MTMR4: variants seen among roughly 807,000 people sequenced by gnomAD.
MTMR4 encodes the protein myotubularin related protein 4.
MTMR4 carries 30 observed loss-of-function variants against 125.5 expected under a neutral mutation model. The ratio of observed to expected loss-of-function variants is 0.24; its 90% CI spans 0.18 to 0.32. The LOEUF is 0.32. Among genes scored for constraint, MTMR4 ranks in the 10% least tolerant of loss-of-function variants. The pLI is 1.00. For synonymous variants in MTMR4, 498 were observed against 564.5 expected, an observed-to-expected ratio of 0.88 and a Z score of 1.67; for missense variants, 1,039 against 1,511.5, an observed-to-expected ratio of 0.69 and a Z score of 5.18.
Position 58,491,319 on chromosome 17 carries a change from C to T in MTMR4, c.*344G>A, listed in dbSNP as rs3087762. On this transcript the variant is annotated 3_prime_UTR_variant, in exon 18 of 18. Coordinates refer to ENST00000682306, the MANE Select transcript of MTMR4 (RefSeq NM_001378067.1). ...CACTTGGAGTTTGGTTATACATATG[C>T]CTTTCTATTGCTGTTTGGGGCACTT... 0.19 allele frequency: 32,980 copies of T among 173,402 alleles called. 3,357 individuals carry two copies. Among genetic ancestry groups the T allele is most frequent in the Non-Finnish European group, 0.21 (16,973 of 80,820 alleles). 10.7% of individuals were successfully genotyped at this position (173,402 alleles called of 1,614,324 possible).
chr17:58,500,214 C>T (rs908759390), intron 14 of MTMR4, among the ~76,000 whole-genome samples: 1 of 152,196 alleles, frequency 6.6e-6, no homozygotes, highest in East Asian at 1.9e-4. Flanking sequence ...GCAGCCTCAA[C>T]CTGCTGGGAG....
chr17:58,496,004 A>G lies in MTMR4; in HGVS notation c.2180T>C (p.Met727Thr). 1 of 1,614,066 alleles carries G rather than the reference A, an allele frequency of 6.2e-7. No homozygotes were observed. Among genetic ancestry groups the G allele is most frequent in the Middle Eastern group, 1.7e-4 (1 of 6,060 alleles). Residue 727 changes from methionine to threonine, a missense_variant, in exon 15 of 18, where the codon ATG becomes ACG. Physicochemically the swap from Met to Thr is moderately conservative, Grantham distance 81. Coordinates refer to ENST00000682306, the MANE Select transcript of MTMR4 (RefSeq NM_001378067.1). ...CTCAGGATCAGAGGTGTTGCTCTTC[A>G]TTTCCCGAGGCACTGCGGTATTAAG... ...KLLNTAVPREMKSNTSDPEIK... is the reference protein window; with the variant it reads ...KLLNTAVPRETKSNTSDPEIK...
chr17:58,505,622 C>T, intron 9 of MTMR4, 39 bp from the exon 10 acceptor site: 1 of 1,523,294 alleles, frequency 6.6e-7, no homozygotes, highest in Non-Finnish European at 9.0e-7. Flanking sequence ...AAAAGCACGT[C>T]CTAGGCCGGG....
In MTMR4 at chr17:58,508,662, G is replaced by T. The variant is rs1364298017; in HGVS notation, c.496+19C>A. 1 of 1,613,708 alleles carries T rather than the reference G, an allele frequency of 6.2e-7. No homozygotes were observed. Among genetic ancestry groups the T allele is most frequent in the South Asian group, 1.1e-5 (1 of 91,086 alleles). ...AAGGGGTAAGAAGCAGCCTCCCAAAGAAAATAGACTGGCCTCACCTGGCTG... is the reference window on the plus strand; with the variant it reads ...AAGGGGTAAGAAGCAGCCTCCCAAATAAAATAGACTGGCCTCACCTGGCTG... On this transcript the variant is annotated intron_variant, in intron 5 of 17. Transcript: ENST00000682306. This position sits in a 1 kb window ranked among gnomAD's most constrained non-coding sequence, Gnocchi z 4.8.
chr17:58,494,908 G>A (rs751929669), intron 15 of MTMR4, 24 bp downstream of exon 15: 1 of 1,600,488 alleles, frequency 6.2e-7, no homozygotes, highest in Non-Finnish European at 8.5e-7. Context: ...AATAATGGGT[G>A]TATGGCAGTT....
intron 14 of MTMR4, among the ~76,000 whole-genome samples, chr17:58,496,707 C>T (rs1184247410): frequency 6.6e-6 from 1 of 152,184 alleles, no homozygotes; most frequent in African/African-American, 2.4e-5. Flanking sequence ...ACCCAATATC[C>T]CACTGCCTCC....
In MTMR4 at chr17:58,508,835, G is replaced by A; in HGVS notation, c.342C>T (p.His114=). The A allele has an allele frequency of 6.2e-7, 1 of 1,611,908 alleles. No homozygotes were observed. The highest frequency in any genetic ancestry group is 8.5e-7 in the Non-Finnish European group (1 of 1,178,162). The change falls in exon 5 of 18, where the codon CAC becomes CAT. Residue 114 remains histidine, a synonymous_variant. Transcript: ENST00000682306. This position sits in a 1 kb window ranked among gnomAD's most constrained non-coding sequence, Gnocchi z 4.8. ...SCKDSKVVRC[H]FSTFKQCQEW... ...CTTGGCACTGCTTAAAAGTGGAGAAGTGGCACCTGCCAGGCAAGAAGCCAC... is the reference window on the plus strand; with the variant it reads ...CTTGGCACTGCTTAAAAGTGGAGAAATGGCACCTGCCAGGCAAGAAGCCAC...
Position 58,508,638 on chromosome 17 carries a change from A to C in MTMR4, c.496+43T>G. On this transcript the variant is annotated intron_variant, in intron 5 of 17. Coordinates refer to ENST00000682306, the MANE Select transcript of MTMR4 (RefSeq NM_001378067.1). The surrounding 1 kb of genome is among the most constrained non-coding windows in gnomAD (Gnocchi z 4.8). Reference sequence around the variant, plus strand: ...AGGAGTGGAGGAGGGATGAGAACTAAGGGGTAAGAAGCAGCCTCCCAAAGA... The same window carrying C: ...AGGAGTGGAGGAGGGATGAGAACTACGGGGTAAGAAGCAGCCTCCCAAAGA... 1 of 1,613,738 alleles carries C rather than the reference A, an allele frequency of 6.2e-7. No homozygotes were observed. The highest frequency in any genetic ancestry group is 1.1e-5 in the South Asian group (1 of 91,082).
At chr17:58,518,270 T>G (rs970113902), upstream of MTMR4, among the ~76,000 whole-genome samples, 1 of 152,160 alleles carries the variant, frequency 6.6e-6, no homozygotes, top group East Asian at 1.9e-4. Context: ...GCATTGTAGG[T>G]TACATGCCTA....
At chr17:58,498,388 A>G (rs1975527667) in intron 14 of MTMR4, among the ~76,000 whole-genome samples, 1 of 151,790 alleles carries the variant, frequency 6.6e-6, no homozygotes, top group Non-Finnish European at 1.5e-5. Context: ...TGAGTTTACA[A>G]CAAGGAGAGA....
chr17:58,512,775 G>C lies in MTMR4; in HGVS notation c.135+77C>G. On this transcript the variant is annotated intron_variant, in intron 2 of 17. Transcript: ENST00000682306. The surrounding 1 kb of genome is among the most constrained non-coding windows in gnomAD (Gnocchi z 4.1). ...GAGCTCTGGTACCAGATGCCCTTGA[G>C]GATTTTTGGGAGAAGGGAGGGTGTT... The C allele has an allele frequency of 7.7e-7, 1 of 1,296,744 alleles. No individual in the cohort carries two copies. Among genetic ancestry groups the C allele is most frequent in the Non-Finnish European group, 1.1e-6 (1 of 902,198 alleles). The allele number at this position is 1,296,744 out of a possible 1,614,324, so 80.3% of individuals were successfully genotyped here. A position where few individuals can be genotyped will look rare whatever the true frequency, so the allele number is the denominator to read the frequency against.
Position 58,504,029 on chromosome 17 carries a change from AG to A in MTMR4, c.1698+20del. ...CTATAGGTTTCTAAATAGCACCTAC[AG>A]GAAAAGGGCTCAGACTCACCATGTC... On this transcript the variant is annotated intron_variant, in intron 13 of 17. Coordinates refer to ENST00000682306, the MANE Select transcript of MTMR4 (RefSeq NM_001378067.1). This position sits in a 1 kb window ranked among gnomAD's most constrained non-coding sequence, Gnocchi z 7.1. 1 of 1,534,990 alleles carries A rather than the reference AG, an allele frequency of 6.5e-7. No homozygotes were observed. Among genetic ancestry groups the A allele is most frequent in the Non-Finnish European group, 8.8e-7 (1 of 1,142,332 alleles).
At position 58,512,383 on chromosome 17, in the gene MTMR4, A is replaced by C; in HGVS notation, c.252+7T>G. On this transcript the variant is annotated splice_region_variant and intron_variant, in intron 3 of 17. Transcript: ENST00000682306. This position sits in a 1 kb window ranked among gnomAD's most constrained non-coding sequence, Gnocchi z 4.1. ...CTTAGGGGTAGGAGAACAATACAGAAACTCACGTTGATGACAGAGTCCTTG... is the reference window on the plus strand; with the variant it reads ...CTTAGGGGTAGGAGAACAATACAGACACTCACGTTGATGACAGAGTCCTTG... The C allele has an allele frequency of 6.2e-7, 1 of 1,602,718 alleles. No homozygotes were observed. The highest frequency in any genetic ancestry group is 8.6e-7 in the Non-Finnish European group (1 of 1,169,542).
At chr17:58,507,932 C>T in intron 7 of MTMR4, 1 of 444,548 alleles carries the variant, frequency 2.2e-6, no homozygotes, top group South Asian at 2.4e-5. Context: ...CACACACACA[C>T]ACACACACAC....
chr17:58,505,094 C>A, intron 10 of MTMR4, 120 bp from the exon 11 acceptor site: 1 of 941,902 alleles, frequency 1.1e-6, no homozygotes, highest in Non-Finnish European at 1.6e-6. Flanking sequence ...CCAAGAGGTA[C>A]AACCCAGGGC....
chr17:58,491,641 T>G lies in MTMR4; in HGVS notation c.*22A>C. On this transcript the variant is annotated 3_prime_UTR_variant, in exon 18 of 18. Coordinates refer to ENST00000682306, the MANE Select transcript of MTMR4 (RefSeq NM_001378067.1). ...ATCCTCCCTTCAAACCTGCTAAAAT[T>G]GGACAGGTTTCTCCCCGGCATTCAA... 1 of 1,606,020 alleles carries G rather than the reference T, an allele frequency of 6.2e-7. No individual in the cohort carries two copies. Among genetic ancestry groups the G allele is most frequent in the Non-Finnish European group, 8.5e-7 (1 of 1,174,042 alleles).
intron 15 of MTMR4, 60 bp downstream of exon 15, chr17:58,494,872 G>A (rs1975411261): frequency 6.7e-7 from 1 of 1,498,348 alleles, no homozygotes; most frequent in South Asian, 1.2e-5. Flanking sequence ...AATGCTGAAT[G>A]GAGGGAAGGC....
intron 15 of MTMR4, among the ~76,000 whole-genome samples, chr17:58,494,706 A>G (rs1975405733): frequency 6.6e-6 from 1 of 152,186 alleles, no homozygotes; most frequent in Admixed American, 6.5e-5. Flanking sequence ...CCTTCTCAAG[A>G]AAGTCTTCCT....
Position 58,508,452 on chromosome 17 carries a change from T to C in MTMR4, c.593+16A>G. ...TAGTTTGGTGTGGAAGGTGTTTTGG[T>C]CCCCAACCCTCTCACTTGTAGTTGC... On this transcript the variant is annotated intron_variant, in intron 6 of 17. Transcript: ENST00000682306. The surrounding 1 kb of genome is among the most constrained non-coding windows in gnomAD (Gnocchi z 4.8). The C allele has an allele frequency of 6.2e-7, 1 of 1,613,624 alleles. No individual in the cohort carries two copies. The highest frequency in any genetic ancestry group is 8.5e-7 in the Non-Finnish European group (1 of 1,179,542).
Sources: gnomAD v4.1 joint callset for allele counts (sites outside exome capture counted in the v4.1 genomes callset) on GRCh38, gnomAD v4.1.1 for gene constraint, Gnocchi (gnomAD v3.1) non-coding constraint, MANE v1.5 for transcripts, NCBI Gene and HGNC (gene_info 2026-07-23, HGNC 2026-07-21) for gene names.